CA8: variants seen among roughly 807,000 people sequenced by gnomAD.
CA8 encodes carbonic anhydrase 8 (inactive).
CA8 carries 22 observed loss-of-function variants against 41.4 expected under a neutral mutation model. The ratio of observed to expected loss-of-function variants is 0.53; its 90% CI spans 0.38 to 0.76. The LOEUF (loss-of-function observed/expected upper bound fraction) is 0.76, where lower values mean the gene tolerates loss of function less well. Ranked by LOEUF, CA8 falls within the 30% of genes least tolerant of loss-of-function variation. The pLI is 0.00. For missense variants in CA8, 270 were observed against 352.8 expected (o/e 0.77, Z 1.88); for synonymous variants, 121 against 130.6 (o/e 0.93, Z 0.50).
intron 3 of CA8, among the ~76,000 whole-genome samples, chr8:60,233,372 A>C (rs1005301374): frequency 6.6e-6 from 1 of 152,204 alleles, no homozygotes; most frequent in Non-Finnish European, 1.5e-5. Flanking sequence ...TCCACTGCTG[A>C]ATTTACCCAG....
At position 60,188,715 on chromosome 8, in the gene CA8, A is replaced by C. The variant is rs1194357531; in HGVS notation, c.*1306T>G. 1 of 152,164 alleles carries C rather than the reference A, an allele frequency of 6.6e-6. No individual in the cohort carries two copies. The highest frequency in any genetic ancestry group is 1.5e-5 in the Non-Finnish European group (1 of 68,030). 9.4% of individuals were successfully genotyped at this position (152,164 alleles called of 1,614,324 possible). A position where few individuals can be genotyped will look rare whatever the true frequency, so the allele number is the denominator to read the frequency against. On this transcript the variant is annotated 3_prime_UTR_variant, in exon 9 of 9. Transcript: ENST00000317995. ...CCTTAGCAAGCCTCAACTTTTCCAC[A>C]CATTGCCATAACCCTAGTCCTTTCT...
At chr8:60,218,653 C>T (rs1381572876) in intron 7 of CA8, among the ~76,000 whole-genome samples, 2 of 152,152 alleles carry the variant, frequency 1.3e-5, no homozygotes, top group African/African-American at 2.4e-5. Flanking sequence ...TATCATAAAA[C>T]ATGCTGTATG....
intron 4 of CA8, among the ~76,000 whole-genome samples, chr8:60,230,879 A>G (rs1807624311): frequency 6.6e-6 from 1 of 152,224 alleles, no homozygotes; most frequent in South Asian, 2.1e-4. Flanking sequence ...ATACTAAGTT[A>G]TCACACCTAA....
intron 4 of CA8, among the ~76,000 whole-genome samples, chr8:60,229,186 C>T (rs1174196956): frequency 6.6e-5 from 10 of 151,510 alleles, no homozygotes; most frequent in African/African-American, 2.4e-4. Context: ...TTACTTCTAA[C>T]TCAATCTCTC....
intron 2 of CA8, among the ~76,000 whole-genome samples, chr8:60,274,866 G>A (rs1315154685): frequency 6.6e-6 from 1 of 152,206 alleles, no homozygotes; most frequent in Non-Finnish European, 1.5e-5. Flanking sequence ...GACTCAGGAG[G>A]TGGAAGCATT....
intron 4 of CA8, among the ~76,000 whole-genome samples, chr8:60,231,967 G>A (rs1807663040): frequency 6.6e-6 from 1 of 151,932 alleles, no homozygotes; most frequent in Non-Finnish European, 1.5e-5. Flanking sequence ...CTGTAAACCA[G>A]GGTCTAAAGA....
rs970839953 is a variant in CA8, at chr8:60,189,523, C to T, written c.*498G>A. The T allele has an allele frequency of 3.3e-5, 5 of 152,078 alleles. No individual in the cohort carries two copies. In the East Asian group the frequency reaches 9.6e-4, roughly 29 times the overall value. 9.4% of individuals were successfully genotyped at this position (152,078 alleles called of 1,614,324 possible). Reference sequence around the variant, plus strand: ...GAGACATAATTTTACTAATCATTCACTTTGCATTTTGAAGCTCTATGCTGT... The same window carrying T: ...GAGACATAATTTTACTAATCATTCATTTTGCATTTTGAAGCTCTATGCTGT... On this transcript the variant is annotated 3_prime_UTR_variant, in exon 9 of 9. Coordinates refer to ENST00000317995, the MANE Select transcript of CA8 (RefSeq NM_004056.6).
intron 7 of CA8, among the ~76,000 whole-genome samples, chr8:60,210,793 A>C (rs1806809286): frequency 6.6e-6 from 1 of 152,232 alleles, no homozygotes; most frequent in Non-Finnish European, 1.5e-5. Flanking sequence ...TCAGATAAGC[A>C]ATCAGCTGTT....
At chr8:60,232,704 A>AGTGG in intron 3 of CA8, 1 of 391,840 alleles carries the variant, frequency 2.6e-6, no homozygotes, top group South Asian at 2.3e-5. Context: ...ATCTCCATGA[A>AGTGG]ACAAAACTCC....
intron 8 of CA8, among the ~76,000 whole-genome samples, chr8:60,198,280 T>TAC (rs1554574578): frequency 6.6e-6 from 1 of 152,136 alleles, no homozygotes; most frequent in Non-Finnish European, 1.5e-5. Context: ...ATAGGATTGT[T>TAC]ACGAGGACTA....
chr8:60,274,799 A>G lies in CA8; in HGVS notation c.292+4890T>C, dbSNP rs147645099. 3.7e-3 allele frequency among the ~76,000 whole-genome samples: 569 copies of G among 152,316 alleles called. 6 individuals carry two copies. Among genetic ancestry groups the G allele is most frequent in the African/African-American group, 0.013 (547 of 41,570 alleles). On this transcript the variant is annotated intron_variant, in intron 2 of 8. Coordinates refer to ENST00000317995, the MANE Select transcript of CA8 (RefSeq NM_004056.6). Reference sequence around the variant, plus strand: ...ACAAATAAATTTCTATTATTTATAAATTACCTACTCCACAGTATTTTATTA... The same window carrying G: ...ACAAATAAATTTCTATTATTTATAAGTTACCTACTCCACAGTATTTTATTA...
chr8:60,185,463 T>C lies in CA8; in HGVS notation c.*4558A>G, dbSNP rs995132687. Reference sequence around the variant, plus strand: ...TATTTTTCTTAAAAAAAATCATTCATCTACATACCCAAGAAGCTCAACAAA... The same window carrying C: ...TATTTTTCTTAAAAAAAATCATTCACCTACATACCCAAGAAGCTCAACAAA... On this transcript the variant is annotated 3_prime_UTR_variant, in exon 9 of 9. Coordinates refer to ENST00000317995, the MANE Select transcript of CA8 (RefSeq NM_004056.6). Among the ~76,000 whole-genome samples the C allele has an allele frequency of 1.2e-4, 19 of 152,108 alleles. No individual in the cohort carries two copies. Among genetic ancestry groups the C allele is most frequent in the Middle Eastern group, 3.4e-3 (1 of 294 alleles).
intron 7 of CA8, among the ~76,000 whole-genome samples, chr8:60,221,835 A>G (rs530446082): frequency 1.3e-5 from 2 of 152,338 alleles, no homozygotes; most frequent in South Asian, 4.1e-4. Context: ...TTTACTGAGA[A>G]GTTAGTGAAC....
At chr8:60,273,955 G>A (rs111305476) in intron 2 of CA8, among the ~76,000 whole-genome samples, 5 of 152,334 alleles carry the variant, frequency 3.3e-5, no homozygotes, top group African/African-American at 1.2e-4. Context: ...AGTTTGATAA[G>A]TTTAAGCATT....
At position 60,186,458 on chromosome 8, in the gene CA8, T is replaced by TA. The variant is rs375084817; in HGVS notation, c.*3562dup. ...ATATACTAGAAAATATTCACCTAAT[T>TA]AAAAAAAAAGTAATAGAGGAGGAAT... is the stretch of plus-strand genomic sequence containing the variant. On this transcript the variant is annotated 3_prime_UTR_variant, in exon 9 of 9. Transcript: ENST00000317995. Among the ~76,000 whole-genome samples, 11 of 146,692 alleles carry TA rather than the reference T, an allele frequency of 7.5e-5. No individual in the cohort carries two copies. Among genetic ancestry groups the TA allele is most frequent in the South Asian group, 2.2e-4 (1 of 4,562 alleles).
intron 3 of CA8, among the ~76,000 whole-genome samples, chr8:60,251,710 T>G (rs1808456909): frequency 6.6e-6 from 1 of 152,242 alleles, no homozygotes; most frequent in African/African-American, 2.4e-5. Context: ...CAAAGTCATC[T>G]GCCATTCTTT....
intron 2 of CA8, among the ~76,000 whole-genome samples, chr8:60,277,897 A>G (rs1804291627): frequency 6.6e-6 from 1 of 152,196 alleles, no homozygotes. Context: ...GGGGAATCTG[A>G]AGGAGGAAGG....
At chr8:60,191,644 C>G (rs1004943326) in intron 8 of CA8, among the ~76,000 whole-genome samples, 1 of 152,102 alleles carries the variant, frequency 6.6e-6, no homozygotes, top group African/African-American at 2.4e-5. Flanking sequence ...TGATTTAACA[C>G]ACATTTTGGA....
chr8:60,242,694 G>A (rs1374076384), intron 3 of CA8, among the ~76,000 whole-genome samples: 1 of 152,196 alleles, frequency 6.6e-6, no homozygotes, highest in African/African-American at 2.4e-5. Context: ...TTTGTAAAAG[G>A]GAGACCAGAC....
Sources: allele counts gnomAD v4.1 joint callset (sites outside exome capture counted in the v4.1 genomes callset), GRCh38; gene constraint gnomAD v4.1.1; transcripts MANE v1.5; gene names NCBI Gene and HGNC (gene_info 2026-07-23, HGNC 2026-07-21).